Variants in TENM3 observed in about 807,000 individuals in gnomAD.
The protein encoded by TENM3 is teneurin transmembrane protein 3.
Under a neutral mutation model 255.1 loss-of-function variants are expected in TENM3, and 63 were observed. The observed-to-expected ratio is 0.25, with a 90% CI of 0.20 to 0.30. TENM3 has a LOEUF of 0.30. Ranked by LOEUF, TENM3 falls within the 10% of genes least tolerant of loss-of-function variation. The probability of loss-of-function intolerance (pLI) is 1.00; values close to 1 mark genes in which losing one functional copy is unlikely to be tolerated. For synonymous variants in TENM3, 1,306 were observed against 1,322.3 expected, an observed-to-expected ratio of 0.99 and a Z score of 0.27; for missense variants, 2,929 against 3,461.1, an observed-to-expected ratio of 0.85 and a Z score of 3.86.
At chr4:182,008,066 C>A in the TENM3 span, among the ~76,000 whole-genome samples, 1 of 152,288 alleles carries the variant, frequency 6.6e-6, no homozygotes, top group East Asian at 1.9e-4. Context: ...TCTCTTCTGG[C>A]TTGTAGAGTT....
chr4:181,844,584 C>T, the TENM3 span, among the ~76,000 whole-genome samples: 4 of 151,740 alleles, frequency 2.6e-5, no homozygotes, highest in East Asian at 1.9e-4. Flanking sequence ...AGGAGAATGG[C>T]GTGAACCCGG....
At chr4:182,319,841 G>C (rs1024332702) in intron 1 of TENM3, among the ~76,000 whole-genome samples, 3 of 152,212 alleles carry the variant, frequency 2.0e-5, no homozygotes, top group Admixed American at 6.5e-5. Flanking sequence ...GCCGGGCACT[G>C]CAGCTCACGC....
At chr4:182,478,613 T>TA (rs1411578635) in intron 3 of TENM3, among the ~76,000 whole-genome samples, 2 of 151,954 alleles carry the variant, frequency 1.3e-5, no homozygotes, top group African/African-American at 2.4e-5. Context: ...TAGAGGGCAG[T>TA]AAAAAAATTT....
chr4:182,015,648 C>A, the TENM3 span, among the ~76,000 whole-genome samples: 1 of 152,128 alleles, frequency 6.6e-6, no homozygotes, highest in Non-Finnish European at 1.5e-5. Context: ...GCAACCTCCG[C>A]CTCCTGGGTT....
At chr4:181,696,127 A>T in the TENM3 span, among the ~76,000 whole-genome samples, 1 of 152,212 alleles carries the variant, frequency 6.6e-6, no homozygotes, top group Non-Finnish European at 1.5e-5. Flanking sequence ...GGTGAATCGT[A>T]AGACTAGTGG....
chr4:181,661,244 C>A, the TENM3 span, among the ~76,000 whole-genome samples: 1 of 152,140 alleles, frequency 6.6e-6, no homozygotes, highest in Non-Finnish European at 1.5e-5. Flanking sequence ...TTGAAATCAG[C>A]ACATGCTCAC....
chr4:182,289,318 G>T (rs1182997294), intron 1 of TENM3, among the ~76,000 whole-genome samples: 1 of 152,220 alleles, frequency 6.6e-6, no homozygotes, highest in Non-Finnish European at 1.5e-5. Flanking sequence ...TTAGATAAAG[G>T]ACTTACTCTA....
At chr4:181,674,340 A>T in the TENM3 span, among the ~76,000 whole-genome samples, 4 of 152,114 alleles carry the variant, frequency 2.6e-5, no homozygotes, top group Non-Finnish European at 5.9e-5. Context: ...TTACTACTGC[A>T]ATAATAATCT....
At chr4:182,559,645 G>T (rs767831774) in intron 3 of TENM3, among the ~76,000 whole-genome samples, 1 of 151,902 alleles carries the variant, frequency 6.6e-6, no homozygotes, top group Non-Finnish European at 1.5e-5. Context: ...AATGCCCAGC[G>T]TTTGTTGTAT....
intron 1 of TENM3, among the ~76,000 whole-genome samples, chr4:182,252,832 G>T (rs1758114016): frequency 6.6e-6 from 1 of 152,106 alleles, no homozygotes; most frequent in South Asian, 2.1e-4. Flanking sequence ...CATTGCAACA[G>T]TCACAACAGT....
the TENM3 span, among the ~76,000 whole-genome samples, chr4:181,907,741 C>A: frequency 6.6e-6 from 1 of 152,124 alleles, no homozygotes; most frequent in East Asian, 1.9e-4. Flanking sequence ...CTGGGGCAGC[C>A]AACGCAGGAA....
chr4:182,784,105 A>G (rs544530868), intron 24 of TENM3, among the ~76,000 whole-genome samples: 61 of 152,002 alleles, frequency 4.0e-4, no homozygotes, highest in East Asian at 5.8e-4. Context: ...GAGGAACTGC[A>G]TTCCTTTGGA....
chr4:182,721,183 C>T (rs1363402652), intron 13 of TENM3, among the ~76,000 whole-genome samples: 1 of 152,136 alleles, frequency 6.6e-6, no homozygotes, highest in African/African-American at 2.4e-5. Context: ...GGCTACATGT[C>T]TTTCCATGTT....
intron 1 of TENM3, among the ~76,000 whole-genome samples, chr4:182,219,115 G>A (rs1839435): frequency 0.021 from 3,157 of 152,184 alleles, 110 homozygotes; most frequent in African/African-American, 0.07. Context: ...TCAGCTACTC[G>A]GGAGGCTGAG....
chr4:182,217,610 A>G (rs113916620), intron 1 of TENM3, among the ~76,000 whole-genome samples: 7 of 152,140 alleles, frequency 4.6e-5, no homozygotes, highest in African/African-American at 1.4e-4. Context: ...GGGTAACATT[A>G]TACCCATTTT....
intron 2 of TENM3, among the ~76,000 whole-genome samples, chr4:182,335,259 G>T (rs527548737): frequency 1.4e-4 from 21 of 147,220 alleles, no homozygotes; most frequent in Non-Finnish European, 2.4e-4. Flanking sequence ...AGCACTTTGG[G>T]AGGCTGAGGC....
chr4:181,744,184 A>G, the TENM3 span, among the ~76,000 whole-genome samples: 2 of 152,200 alleles, frequency 1.3e-5, no homozygotes, highest in African/African-American at 2.4e-5. Context: ...ATAGTATTCC[A>G]TGGTGTATAT....
chr4:182,534,736 C>T (rs1017910582), intron 3 of TENM3, among the ~76,000 whole-genome samples: 10 of 152,134 alleles, frequency 6.6e-5, no homozygotes, highest in African/African-American at 2.2e-4. Flanking sequence ...TTCCAAAATC[C>T]AAACTTGCAG....
the TENM3 span, among the ~76,000 whole-genome samples, chr4:182,098,118 C>T: frequency 1.3e-5 from 2 of 152,208 alleles, no homozygotes; most frequent in East Asian, 3.9e-4. Flanking sequence ...AAATGCAAAT[C>T]AAAACCACAG....
Sources: gnomAD v4.1 joint callset for allele counts (sites outside exome capture counted in the v4.1 genomes callset) on GRCh38, gnomAD v4.1.1 for gene constraint, MANE v1.5 for transcripts, NCBI Gene and HGNC (gene_info 2026-07-23, HGNC 2026-07-21) for gene names.